ARHGAP44: variants seen among roughly 807,000 people sequenced by gnomAD.
The protein encoded by ARHGAP44 is rho GTPase-activating protein 44.
ARHGAP44 carries 43 observed loss-of-function variants against 106.8 expected under a neutral mutation model. That is an observed-to-expected ratio of 0.40 (90% CI 0.32 to 0.52). The LOEUF is 0.52. Ranked by LOEUF, ARHGAP44 falls within the 20% of genes least tolerant of loss-of-function variation. ARHGAP44 has a pLI of 0.48. For missense variants in ARHGAP44, 866 were observed against 1,050.5 expected, an observed-to-expected ratio of 0.82 and a Z score of 2.43; for synonymous variants, 439 against 410.3, an observed-to-expected ratio of 1.07 and a Z score of -0.85.
chr17:12,973,774 C>T, intron 17 of ARHGAP44: 1 of 529,146 alleles, frequency 1.9e-6, no homozygotes, highest in Non-Finnish European at 3.3e-6. Context: ...CTTGCCGGGC[C>T]ATCATCCTGA....
chr17:12,879,443 C>G (rs2036654314), intron 1 of ARHGAP44, among the ~76,000 whole-genome samples: 1 of 152,024 alleles, frequency 6.6e-6, no homozygotes, highest in Non-Finnish European at 1.5e-5. Flanking sequence ...GTGTAAGTAT[C>G]TTTTTCGTTT....
intron 3 of ARHGAP44, among the ~76,000 whole-genome samples, chr17:12,903,116 GAGAGAGAGAGGA>G (rs1335566565): frequency 2.7e-5 from 2 of 72,996 alleles, no homozygotes; most frequent in African/African-American, 1.2e-4. Flanking sequence ...GAGAGAGAGA[GAGAGAGAGAGGA>G]GAGAGAGAGA....
chr17:12,895,212 C>G (rs1480279686), intron 2 of ARHGAP44, among the ~76,000 whole-genome samples: 1 of 151,996 alleles, frequency 6.6e-6, no homozygotes, highest in Non-Finnish European at 1.5e-5. Context: ...GTGGTTAAAA[C>G]TGCTCCAGCT....
At chr17:12,946,291 A>G (rs1366672582) in intron 10 of ARHGAP44, among the ~76,000 whole-genome samples, 3 of 152,132 alleles carry the variant, frequency 2.0e-5, no homozygotes, top group Non-Finnish European at 4.4e-5. Context: ...CAACCTAGAC[A>G]TTATATCATT....
intron 1 of ARHGAP44, among the ~76,000 whole-genome samples, chr17:12,875,167 T>C (rs1170808896): frequency 6.6e-6 from 1 of 152,208 alleles, no homozygotes; most frequent in Admixed American, 6.5e-5. Context: ...TCTATGGGTC[T>C]GAGCTGGGGC....
chr17:12,944,004 G>T, intron 9 of ARHGAP44, 65 bp from the exon 10 acceptor site: 1 of 1,495,230 alleles, frequency 6.7e-7, no homozygotes. Flanking sequence ...ACAAAGGAAA[G>T]CGAGATTCCA....
At chr17:12,862,254 C>G (rs1190424607) in intron 1 of ARHGAP44, among the ~76,000 whole-genome samples, 1 of 152,012 alleles carries the variant, frequency 6.6e-6, no homozygotes, top group Non-Finnish European at 1.5e-5. Context: ...TGGAGTCAAC[C>G]TTAAGAAAAA....
intron 1 of ARHGAP44, among the ~76,000 whole-genome samples, chr17:12,875,032 G>C (rs757148419): frequency 1.1e-4 from 17 of 152,018 alleles, no homozygotes; most frequent in Non-Finnish European, 2.2e-4. Flanking sequence ...ACTCAGAGTG[G>C]GTGAGCTCCA....
intron 7 of ARHGAP44, among the ~76,000 whole-genome samples, chr17:12,932,026 A>G (rs2038419249): frequency 6.6e-6 from 1 of 152,048 alleles, no homozygotes. Context: ...TTTCTATAGG[A>G]TAGATTCCAA....
chr17:12,819,365 T>G (rs2034695833), intron 1 of ARHGAP44, among the ~76,000 whole-genome samples: 1 of 152,036 alleles, frequency 6.6e-6, no homozygotes, highest in Non-Finnish European at 1.5e-5. Context: ...TTATTTCCAG[T>G]TTTTGGCTTT....
intron 1 of ARHGAP44, among the ~76,000 whole-genome samples, chr17:12,794,060 C>T (rs769185351): frequency 2.6e-5 from 4 of 152,122 alleles, no homozygotes; most frequent in Non-Finnish European, 4.4e-5. Context: ...GCAAGATTTA[C>T]GGGAGAATTT....
chr17:12,816,440 A>T (rs2034599811), intron 1 of ARHGAP44, among the ~76,000 whole-genome samples: 1 of 152,214 alleles, frequency 6.6e-6, no homozygotes, highest in South Asian at 2.1e-4. Flanking sequence ...TAGGGTAGGG[A>T]AAGTCATAAA....
At chr17:12,790,108 C>G in intron 1 of ARHGAP44, 2 of 503,684 alleles carry the variant, frequency 4.0e-6, no homozygotes, top group Non-Finnish European at 6.9e-6. Context: ...CTCCGGGCTC[C>G]GGTTGCCAAG....
At chr17:12,941,783 G>T (rs999264042) in intron 8 of ARHGAP44, among the ~76,000 whole-genome samples, 24 of 152,156 alleles carry the variant, frequency 1.6e-4, no homozygotes, top group African/African-American at 2.4e-5. Context: ...AAATAATTAA[G>T]ACTCAGGTTG....
intron 7 of ARHGAP44, among the ~76,000 whole-genome samples, chr17:12,938,669 G>T (rs2038622468): frequency 6.7e-6 from 1 of 150,330 alleles, no homozygotes; most frequent in African/African-American, 2.4e-5. Context: ...TGGATTAGTT[G>T]TAAAATCAGA....
intron 6 of ARHGAP44, 110 bp from the exon 7 acceptor site, chr17:12,928,819 G>T: frequency 1.1e-6 from 1 of 911,054 alleles, no homozygotes; most frequent in South Asian, 1.6e-5. Flanking sequence ...TTCCAGTGAG[G>T]GTATGTAGTT....
chr17:12,884,465 A>G (rs1439590571), intron 1 of ARHGAP44, among the ~76,000 whole-genome samples: 1 of 152,204 alleles, frequency 6.6e-6, no homozygotes, highest in African/African-American at 2.4e-5. Flanking sequence ...ACTTAACTTC[A>G]ACCACTTCAC....
At chr17:12,925,077 C>T (rs2038193216) in intron 6 of ARHGAP44, among the ~76,000 whole-genome samples, 1 of 152,140 alleles carries the variant, frequency 6.6e-6, no homozygotes. Context: ...TTCCTCGTCT[C>T]TCACCCCTCC....
At chr17:12,837,740 G>A (rs939248239) in intron 1 of ARHGAP44, among the ~76,000 whole-genome samples, 12 of 152,130 alleles carry the variant, frequency 7.9e-5, no homozygotes, top group African/African-American at 2.9e-4. Context: ...GTATCATGGG[G>A]ATGTATCATT....
Sources: allele counts gnomAD v4.1 joint callset (sites outside exome capture counted in the v4.1 genomes callset), GRCh38; gene constraint gnomAD v4.1.1; transcripts MANE v1.5; gene names NCBI Gene and HGNC (gene_info 2026-07-23, HGNC 2026-07-21).